Variants in DLC1 observed in about 807,000 individuals in gnomAD.
DLC1 encodes the protein DLC1 Rho GTPase activating protein.
Under a neutral mutation model 140.3 loss-of-function variants are expected in DLC1, and 54 were observed. The ratio of observed to expected loss-of-function variants is 0.38; its 90% confidence interval spans 0.31 to 0.48. The LOEUF (loss-of-function observed/expected upper bound fraction) is 0.48, where lower values mean the gene tolerates loss of function less well. Ranked by LOEUF, DLC1 falls within the 20% of genes least tolerant of loss-of-function variation. The pLI is 0.96. For synonymous variants in DLC1, 986 were observed against 728.1 expected (o/e 1.35, Z -5.70); for missense variants, 2,536 against 1,907.0 (o/e 1.33, Z -6.14).
intron 10 of DLC1, among the ~76,000 whole-genome samples, chr8:13,096,747 C>A (rs1465975806): frequency 6.6e-6 from 1 of 152,192 alleles, no homozygotes; most frequent in Admixed American, 6.5e-5. Flanking sequence ...AGAGGAGGAG[C>A]TGGAGACAAA....
At chr8:13,121,223 G>A (rs557448013) in intron 5 of DLC1, among the ~76,000 whole-genome samples, 1 of 152,288 alleles carries the variant, frequency 6.6e-6, no homozygotes, top group South Asian at 2.1e-4. Context: ...TTTATTGCTA[G>A]AGAACCGTGT....
At chr8:13,198,606 A>G (rs992670350) in intron 5 of DLC1, among the ~76,000 whole-genome samples, 1 of 152,090 alleles carries the variant, frequency 6.6e-6, no homozygotes, top group African/African-American at 2.4e-5. Context: ...TAGGTTTATC[A>G]TTCTTCAAAA....
chr8:13,570,300 T>C (rs916883617), intron 1 of DLC1, among the ~76,000 whole-genome samples: 1 of 151,912 alleles, frequency 6.6e-6, no homozygotes, highest in Non-Finnish European at 1.5e-5. Flanking sequence ...CTCTCTTTTT[T>C]TTTTTTTATT....
intron 2 of DLC1, among the ~76,000 whole-genome samples, chr8:13,469,540 C>T (rs968080809): frequency 2.6e-5 from 4 of 152,126 alleles, no homozygotes; most frequent in African/African-American, 9.7e-5. Context: ...AGAGTCTAGG[C>T]TTGGGGCTGA....
chr8:13,455,287 C>T (rs931074804), intron 2 of DLC1, among the ~76,000 whole-genome samples: 5 of 152,190 alleles, frequency 3.3e-5, no homozygotes, highest in African/African-American at 1.2e-4. Flanking sequence ...CAATTGCCTA[C>T]ACAGAAACAT....
At chr8:13,146,834 T>A (rs1823471792) in intron 5 of DLC1, among the ~76,000 whole-genome samples, 1 of 152,210 alleles carries the variant, frequency 6.6e-6, no homozygotes, top group Non-Finnish European at 1.5e-5. Flanking sequence ...AGGACACTTC[T>A]GGTTAGTGTT....
chr8:13,583,753 G>A (rs1229416627), intron 1 of DLC1: 1 of 152,206 alleles, frequency 6.6e-6, no homozygotes, highest in Non-Finnish European at 1.5e-5. Flanking sequence ...CGGTGTCTCT[G>A]AGTTCAATGT....
intron 5 of DLC1, among the ~76,000 whole-genome samples, chr8:13,117,508 C>T (rs543458916): frequency 6.6e-6 from 1 of 152,102 alleles, no homozygotes; most frequent in Non-Finnish European, 1.5e-5. Context: ...CTTACTTTTG[C>T]CCTATCTGTG....
intron 11 of DLC1, 63 bp downstream of exon 11, chr8:13,095,023 T>G: frequency 6.2e-7 from 1 of 1,613,574 alleles, no homozygotes; most frequent in Non-Finnish European, 8.5e-7. Flanking sequence ...ACCACACAAC[T>G]AGAAGAAGCT....
chr8:13,416,500 A>T lies in DLC1; in HGVS notation c.1024-14881T>A, dbSNP rs182340744. ...ATATGGCCACTTTGGATGATTCAGGATGGTGGTTACCTATGAACTTAAGGA... is the reference window on the plus strand; with the variant it reads ...ATATGGCCACTTTGGATGATTCAGGTTGGTGGTTACCTATGAACTTAAGGA... On this transcript the variant is annotated intron_variant, in intron 2 of 17. Transcript: ENST00000276297. Among the ~76,000 whole-genome samples the T allele has an allele frequency of 3.3e-5, 5 of 152,312 alleles. No homozygotes were observed. In the East Asian group the frequency reaches 7.7e-4, roughly 24 times the overall value.
chr8:13,142,388 G>A (rs568585944), intron 5 of DLC1, among the ~76,000 whole-genome samples: 1 of 152,100 alleles, frequency 6.6e-6, no homozygotes, highest in Non-Finnish European at 1.5e-5. Flanking sequence ...TTTCTCTACT[G>A]GTTGTCATCT....
At chr8:13,337,323 A>G (rs1833848104) in intron 4 of DLC1, among the ~76,000 whole-genome samples, 1 of 152,224 alleles carries the variant, frequency 6.6e-6, no homozygotes, top group South Asian at 2.1e-4. Context: ...AAATGAAATT[A>G]CTAATTATCT....
chr8:13,300,388 A>G (rs898085910), intron 5 of DLC1, among the ~76,000 whole-genome samples: 1 of 152,212 alleles, frequency 6.6e-6, no homozygotes, highest in Non-Finnish European at 1.5e-5. Flanking sequence ...ACACACGTTT[A>G]CCTACGTAAC....
In DLC1 at chr8:13,086,381, C is replaced by T; in HGVS notation, c.4375G>A (p.Val1459Met). 6.2e-7 allele frequency: 1 copy of T among 1,614,236 alleles called. No homozygotes were observed. Among genetic ancestry groups the T allele is most frequent in the South Asian group, 1.1e-5 (1 of 91,084 alleles). Residue 1459 changes from valine (V) to methionine (M), a missense_variant, in exon 17 of 18, where the codon GTG becomes ATG. Physicochemically the swap from Val to Met is conservative, Grantham distance 21. Coordinates refer to ENST00000276297, the MANE Select transcript of DLC1 (RefSeq NM_182643.3). ...VDHDRAPVVG[V>M]RVNVLLSRYL... ...CTGGACAAGAGCACATTAACCCTCA[C>T]ACCCACCACAGGTGCGCGATCGTGA... is the stretch of plus-strand genomic sequence containing the variant.
intron 5 of DLC1, among the ~76,000 whole-genome samples, chr8:13,138,428 G>T (rs1226358750): frequency 6.6e-6 from 1 of 152,136 alleles, no homozygotes; most frequent in African/African-American, 2.4e-5. Context: ...TTAGCCCTAG[G>T]GCAACCAGTT....
intron 6 of DLC1, among the ~76,000 whole-genome samples, chr8:13,113,975 T>A (rs1179275328): frequency 6.6e-6 from 1 of 152,226 alleles, no homozygotes; most frequent in Non-Finnish European, 1.5e-5. Context: ...CCAACCTCTG[T>A]TTGAAAGTTA....
intron 1 of DLC1, among the ~76,000 whole-genome samples, chr8:13,590,244 G>A (rs1438961832): frequency 6.6e-6 from 1 of 151,744 alleles, no homozygotes; most frequent in African/African-American, 2.4e-5. Context: ...ACATTCTGGT[G>A]ATTTCCCACA....
chr8:13,321,177 C>G (rs1040269736), intron 4 of DLC1, among the ~76,000 whole-genome samples: 2 of 152,138 alleles, frequency 1.3e-5, no homozygotes, highest in East Asian at 3.9e-4. Context: ...AAAATACTTA[C>G]GTCTATTCAC....
At chr8:13,484,965 C>T (rs1800900730) in intron 2 of DLC1, among the ~76,000 whole-genome samples, 1 of 151,994 alleles carries the variant, frequency 6.6e-6, no homozygotes, top group Non-Finnish European at 1.5e-5. Flanking sequence ...CAGAATTAAG[C>T]ACTTATGAAG....
Sources: gnomAD v4.1 joint callset for allele counts (sites outside exome capture counted in the v4.1 genomes callset) on GRCh38, gnomAD v4.1.1 for gene constraint, MANE v1.5 for transcripts, NCBI Gene and HGNC (gene_info 2026-07-23, HGNC 2026-07-21) for gene names.